The following AFG2A variants were observed in gnomAD, a reference collection of about 807,000 sequenced individuals.
The protein encoded by AFG2A is AAA ATPase AFG2A, also known as ATPase family gene 2 protein homolog A.
At chr4:123,004,747 G>A in the AFG2A span, among the ~76,000 whole-genome samples, 1 of 152,084 alleles carries the variant, frequency 6.6e-6, no homozygotes, top group Non-Finnish European at 1.5e-5. Flanking sequence ...GAAATGAGTT[G>A]GGAAGTATTC....
chr4:123,009,599 C>G, the AFG2A span, among the ~76,000 whole-genome samples: 1 of 152,142 alleles, frequency 6.6e-6, no homozygotes, highest in Admixed American at 6.5e-5. Context: ...ATGTGGTCAT[C>G]ATGTTTCTAG....
chr4:123,133,403 T>G, the AFG2A span, among the ~76,000 whole-genome samples: 1 of 152,158 alleles, frequency 6.6e-6, no homozygotes, highest in African/African-American at 2.4e-5. Context: ...TGTAACAATC[T>G]GCAGTTTAGA....
the AFG2A span, among the ~76,000 whole-genome samples, chr4:123,006,382 A>G: frequency 6.6e-6 from 1 of 151,088 alleles, no homozygotes; most frequent in Non-Finnish European, 1.5e-5. Context: ...AGTTTTCTTC[A>G]TGTTTCTTGT....
chr4:123,247,141 C>T, the AFG2A span, among the ~76,000 whole-genome samples: 5 of 152,074 alleles, frequency 3.3e-5, no homozygotes, highest in South Asian at 2.1e-4. Context: ...TTCTTTCCCC[C>T]GTAAATTATA....
chr4:123,311,045 T>G, the AFG2A span, among the ~76,000 whole-genome samples: 1 of 152,204 alleles, frequency 6.6e-6, no homozygotes, highest in African/African-American at 2.4e-5. Flanking sequence ...GTTCTCTAGG[T>G]CATCCCTATC....
At chr4:123,231,335 T>C in the AFG2A span, among the ~76,000 whole-genome samples, 10 of 152,164 alleles carry the variant, frequency 6.6e-5, no homozygotes, top group African/African-American at 2.4e-4. Flanking sequence ...TTTTATGTTA[T>C]AAAGACTGCT....
the AFG2A span, among the ~76,000 whole-genome samples, chr4:123,072,178 G>T: frequency 2.6e-5 from 4 of 152,074 alleles, no homozygotes. Context: ...GTTTTTTAAT[G>T]GCCCTCACAG....
the AFG2A span, among the ~76,000 whole-genome samples, chr4:123,071,618 C>T: frequency 6.6e-6 from 1 of 152,112 alleles, no homozygotes; most frequent in African/African-American, 2.4e-5. Flanking sequence ...AAAATACATG[C>T]TTTTATGTCA....
the AFG2A span, among the ~76,000 whole-genome samples, chr4:123,040,609 C>T: frequency 1.3e-5 from 2 of 152,214 alleles, no homozygotes; most frequent in South Asian, 2.1e-4. Flanking sequence ...AACATTGTGT[C>T]GCTGTTACAT....
At chr4:123,183,857 T>G in the AFG2A span, among the ~76,000 whole-genome samples, 1 of 152,168 alleles carries the variant, frequency 6.6e-6, no homozygotes, top group Non-Finnish European at 1.5e-5. Context: ...CCTCCCAGAC[T>G]CAAGCCATCC....
chr4:122,973,920 C>T, the AFG2A span, among the ~76,000 whole-genome samples: 9 of 152,152 alleles, frequency 5.9e-5, no homozygotes, highest in South Asian at 2.1e-4. Context: ...GCAAGCTCTC[C>T]GCCCGTCTCA....
At chr4:123,039,695 T>C in the AFG2A span, among the ~76,000 whole-genome samples, 7 of 150,798 alleles carry the variant, frequency 4.6e-5, no homozygotes, top group Admixed American at 3.3e-4. Flanking sequence ...CTTTGCAGTC[T>C]AGTACAAAGC....
At chr4:123,220,918 A>G in the AFG2A span, among the ~76,000 whole-genome samples, 11 of 152,304 alleles carry the variant, frequency 7.2e-5, no homozygotes, top group African/African-American at 2.6e-4. Context: ...AACTTCATAA[A>G]TTTGATACAT....
chr4:123,212,925 C>T, the AFG2A span, among the ~76,000 whole-genome samples: 87,153 of 152,030 alleles, frequency 0.57, 27,414 homozygotes, highest in Non-Finnish European at 0.69. Flanking sequence ...TGAGACAATG[C>T]ATATAAAATA....
At chr4:123,096,912 A>G in the AFG2A span, among the ~76,000 whole-genome samples, 119 of 152,236 alleles carry the variant, frequency 7.8e-4, no homozygotes, top group African/African-American at 2.7e-3. Flanking sequence ...TTAATGAGCT[A>G]AATAAGACAT....
chr4:123,031,022 G>GCTT, the AFG2A span, among the ~76,000 whole-genome samples: 2 of 151,960 alleles, frequency 1.3e-5, no homozygotes, highest in Non-Finnish European at 2.9e-5. Flanking sequence ...AAAATAATTT[G>GCTT]TCTTCTACTA....
At chr4:123,051,242 T>G in the AFG2A span, among the ~76,000 whole-genome samples, 1 of 151,950 alleles carries the variant, frequency 6.6e-6, no homozygotes, top group African/African-American at 2.4e-5. Flanking sequence ...AATTTGTTCT[T>G]TTTTATTTTT....
chr4:122,933,606 T>C, the AFG2A span: 1 of 769,286 alleles, frequency 1.3e-6, no homozygotes, highest in South Asian at 1.8e-5. Context: ...TCAAAATAGC[T>C]TTGAGAATAT....
the AFG2A span, among the ~76,000 whole-genome samples, chr4:123,074,194 A>G: frequency 7.0e-6 from 1 of 142,102 alleles, no homozygotes; most frequent in Non-Finnish European, 1.5e-5. Flanking sequence ...CCCAGGTTCA[A>G]GCAATTCACC....
Sources: allele counts gnomAD v4.1 joint callset (sites outside exome capture counted in the v4.1 genomes callset), GRCh38; gene constraint gnomAD v4.1.1; transcripts MANE v1.5; gene names NCBI Gene and HGNC (gene_info 2026-07-23, HGNC 2026-07-21).